The following BABAM2 variants were observed in gnomAD, a reference collection of about 807,000 sequenced individuals.
BABAM2 encodes the protein BRISC and BRCA1-A complex member 2.
BABAM2 carries 31 observed loss-of-function variants against 54.7 expected under a neutral mutation model. The observed-to-expected ratio is 0.57, with a 90% CI of 0.43 to 0.77. The LOEUF (loss-of-function observed/expected upper bound fraction) is 0.77, where lower values mean the gene tolerates loss of function less well. Ranked by LOEUF, BABAM2 falls within the 30% of genes least tolerant of loss-of-function variation. The pLI is 0.00. For missense variants in BABAM2, 364 were observed against 455.8 expected (o/e 0.80, Z 1.83); for synonymous variants, 167 against 162.9 (o/e 1.03, Z -0.19).
chr2:28,031,878 A>G (rs1558672104), intron 5 of BABAM2, among the ~76,000 whole-genome samples: 1 of 152,210 alleles, frequency 6.6e-6, no homozygotes, highest in South Asian at 2.1e-4. Context: ...GGGGAATAGA[A>G]TTGTAAGCAT....
chr2:28,024,101 C>T (rs1338363340), intron 4 of BABAM2, among the ~76,000 whole-genome samples: 13 of 152,156 alleles, frequency 8.5e-5, no homozygotes, highest in Admixed American at 5.2e-4. Flanking sequence ...AAAACAACGA[C>T]AGTTCACTTA....
At chr2:28,020,278 A>C (rs374673520) in intron 4 of BABAM2, among the ~76,000 whole-genome samples, 4 of 152,206 alleles carry the variant, frequency 2.6e-5, no homozygotes, top group African/African-American at 7.2e-5. Context: ...AGATTGAAAA[A>C]CAGAAATGAA....
At chr2:28,273,871 C>T (rs150249596) in intron 10 of BABAM2, among the ~76,000 whole-genome samples, 140 of 152,302 alleles carry the variant, frequency 9.2e-4, no homozygotes, top group Non-Finnish European at 9.6e-4. Context: ...TCAGCTTCCT[C>T]GTCTGTGAAA....
intron 6 of BABAM2, among the ~76,000 whole-genome samples, chr2:28,112,855 T>C (rs1022761748): frequency 5.3e-5 from 8 of 152,190 alleles, no homozygotes; most frequent in Non-Finnish European, 1.0e-4. Context: ...TCCACATCCT[T>C]GCCAGCATCT....
intron 7 of BABAM2, among the ~76,000 whole-genome samples, chr2:28,130,200 TTCTG>T (rs1669904236): frequency 6.6e-6 from 1 of 152,320 alleles, no homozygotes; most frequent in South Asian, 2.1e-4. Context: ...GTTGGCTGAT[TTCTG>T]TCTGTGAGTA....
At chr2:27,941,452 AG>A (rs1229659039) in intron 3 of BABAM2, among the ~76,000 whole-genome samples, 2 of 151,894 alleles carry the variant, frequency 1.3e-5, no homozygotes, top group African/African-American at 4.8e-5. Context: ...GCTTCTCAGG[AG>A]GCTCAGTCAG....
intron 7 of BABAM2, among the ~76,000 whole-genome samples, chr2:28,168,641 A>G (rs1673980118): frequency 6.6e-6 from 1 of 152,190 alleles, no homozygotes; most frequent in Non-Finnish European, 1.5e-5. Context: ...CAGTTTACTT[A>G]TCATTCTTAG....
chr2:27,921,914 C>A (rs1446503349), intron 2 of BABAM2, among the ~76,000 whole-genome samples: 1 of 152,108 alleles, frequency 6.6e-6, no homozygotes, highest in Non-Finnish European at 1.5e-5. Flanking sequence ...AATCAACAGT[C>A]TTTTTTTCTT....
chr2:28,067,099 T>C (rs1663669854), intron 6 of BABAM2, among the ~76,000 whole-genome samples: 1 of 152,138 alleles, frequency 6.6e-6, no homozygotes, highest in South Asian at 2.1e-4. Context: ...GCCCGGCTAA[T>C]TTTTGTATTT....
chr2:28,323,157 TCCCTTAC>T (rs1421051436), intron 11 of BABAM2, among the ~76,000 whole-genome samples: 1 of 152,140 alleles, frequency 6.6e-6, no homozygotes, highest in African/African-American at 2.4e-5. Flanking sequence ...CCAAATGCAG[TCCCTTAC>T]CCCTGCAGGA....
At chr2:28,014,057 A>G (rs1430618689) in intron 4 of BABAM2, among the ~76,000 whole-genome samples, 2 of 152,126 alleles carry the variant, frequency 1.3e-5, no homozygotes, top group African/African-American at 2.4e-5. Flanking sequence ...AAAGGGACAT[A>G]CTTTTCTTCA....
chr2:28,313,335 A>G (rs1000568296), intron 11 of BABAM2, among the ~76,000 whole-genome samples: 1 of 152,268 alleles, frequency 6.6e-6, no homozygotes, highest in Non-Finnish European at 1.5e-5. Context: ...CTTTACTGCT[A>G]TCTCCAAAGC....
chr2:28,116,850 C>G (rs1023714249), intron 6 of BABAM2, among the ~76,000 whole-genome samples: 4 of 152,014 alleles, frequency 2.6e-5, no homozygotes, highest in African/African-American at 9.7e-5. Flanking sequence ...TTTAGCATGT[C>G]ATATGGAAAA....
chr2:28,142,888 T>C (rs1047751965), intron 7 of BABAM2, among the ~76,000 whole-genome samples: 2 of 152,194 alleles, frequency 1.3e-5, no homozygotes, highest in African/African-American at 4.8e-5. Flanking sequence ...TTTAGATTTT[T>C]GTGTTCATTC....
At position 27,906,141 on chromosome 2, in the gene BABAM2, G is replaced by C. The variant is rs556352054; in HGVS notation, c.128+11457G>C. ...TGAACTCTGCTAGTGTGGGCAGTGT[G>C]TGGGGTCATAGATGTGCAAGAAGTT... On this transcript the variant is annotated intron_variant, in intron 2 of 11. Coordinates refer to ENST00000379624, the MANE Select transcript of BABAM2 (RefSeq NM_199191.3). Among the ~76,000 whole-genome samples, 3 of 152,304 alleles carry C rather than the reference G, an allele frequency of 2.0e-5. No homozygotes were observed. In the East Asian group the frequency reaches 5.8e-4, roughly 29 times the overall value.
intron 10 of BABAM2, among the ~76,000 whole-genome samples, chr2:28,288,435 C>T (rs1395170282): frequency 1.3e-5 from 2 of 151,278 alleles, no homozygotes; most frequent in African/African-American, 2.4e-5. Context: ...AAGCAATTCT[C>T]GTGCCTCAGC....
At chr2:28,213,923 A>G (rs1679697014) in intron 7 of BABAM2, among the ~76,000 whole-genome samples, 1 of 147,478 alleles carries the variant, frequency 6.8e-6, no homozygotes, top group South Asian at 2.2e-4. Context: ...GAGAAGATCC[A>G]TTACTAGAAC....
intron 3 of BABAM2, among the ~76,000 whole-genome samples, chr2:27,954,550 T>C (rs1669955260): frequency 6.6e-6 from 1 of 152,158 alleles, no homozygotes; most frequent in Non-Finnish European, 1.5e-5. Context: ...GGGTCAAAAT[T>C]AGTATGGAAA....
chr2:27,924,861 C>T (rs939997159), intron 2 of BABAM2, among the ~76,000 whole-genome samples: 8 of 152,284 alleles, frequency 5.3e-5, no homozygotes, highest in South Asian at 2.1e-4. Context: ...GTTTCCTATA[C>T]ACCTATTTAT....
Sources: gnomAD v4.1 joint callset for allele counts (sites outside exome capture counted in the v4.1 genomes callset) on GRCh38, gnomAD v4.1.1 for gene constraint, MANE v1.5 for transcripts, NCBI Gene and HGNC (gene_info 2026-07-23, HGNC 2026-07-21) for gene names.